The following CCDC73 variants were observed in gnomAD, a reference collection of about 807,000 sequenced individuals.
CCDC73 encodes coiled-coil domain-containing protein 73.
Under a neutral mutation model 116.5 loss-of-function variants are expected in CCDC73, and 95 were observed. The observed-to-expected ratio is 0.82, with a 90% CI of 0.69 to 0.97. The LOEUF is 0.97. Among genes scored for constraint, CCDC73 ranks in the 50% least tolerant of loss-of-function variants. The probability of loss-of-function intolerance (pLI) is 0.00; values close to 1 mark genes in which losing one functional copy is unlikely to be tolerated. For synonymous variants in CCDC73, 398 were observed against 401.3 expected (o/e 0.99, Z 0.10); for missense variants, 1,066 against 1,206.8 (o/e 0.88, Z 1.73).
chr11:32,649,804 A>C (rs1855810583), intron 12 of CCDC73, among the ~76,000 whole-genome samples: 1 of 152,146 alleles, frequency 6.6e-6, no homozygotes, highest in Non-Finnish European at 1.5e-5. Flanking sequence ...TGATGTTAAA[A>C]TGTTCTCTTT....
intron 17 of CCDC73, among the ~76,000 whole-genome samples, chr11:32,608,346 T>C (rs1008499750): frequency 3.3e-5 from 5 of 152,136 alleles, no homozygotes; most frequent in Non-Finnish European, 7.4e-5. Flanking sequence ...GGTACAGGCA[T>C]TGGGTAAACA....
intron 9 of CCDC73, among the ~76,000 whole-genome samples, chr11:32,673,996 G>A (rs1590585927): frequency 6.6e-6 from 1 of 152,252 alleles, no homozygotes; most frequent in East Asian, 1.9e-4. Flanking sequence ...GGAAGGAACA[G>A]GGGGAATAAA....
chr11:32,787,969 C>T (rs953225957), intron 1 of CCDC73, among the ~76,000 whole-genome samples: 2 of 152,064 alleles, frequency 1.3e-5, no homozygotes, highest in African/African-American at 4.8e-5. Context: ...TTTTATGTCC[C>T]ATATAGCACA....
intron 12 of CCDC73, among the ~76,000 whole-genome samples, chr11:32,644,453 T>G (rs1590564835): frequency 1.3e-5 from 2 of 152,310 alleles, no homozygotes; most frequent in Admixed American, 1.3e-4. Flanking sequence ...AACCTGCACA[T>G]GTACCTCTGA....
At chr11:32,746,178 C>T (rs1357867589) in intron 2 of CCDC73, among the ~76,000 whole-genome samples, 3 of 152,172 alleles carry the variant, frequency 2.0e-5, no homozygotes, top group South Asian at 2.1e-4. Flanking sequence ...TTCTCCTTCA[C>T]TTATGAAGCT....
intron 17 of CCDC73, chr11:32,605,113 A>G (rs1184083512): frequency 6.6e-6 from 1 of 150,660 alleles, no homozygotes; most frequent in Non-Finnish European, 1.5e-5. Context: ...CGGCCTCCCA[A>G]AGTGTTGGGA....
intron 2 of CCDC73, 62 bp from the exon 3 acceptor site, chr11:32,718,209 GCT>G (rs1565083958): frequency 1.1e-5 from 12 of 1,126,738 alleles, no homozygotes. Flanking sequence ...TCCAGTTTCA[GCT>G]CTTTCTGGAG....
intron 14 of CCDC73, among the ~76,000 whole-genome samples, chr11:32,621,896 A>G (rs1348481070): frequency 6.6e-6 from 1 of 152,246 alleles, no homozygotes; most frequent in Non-Finnish European, 1.5e-5. Context: ...GGGCCAATGA[A>G]CATATGAAAA....
intron 14 of CCDC73, among the ~76,000 whole-genome samples, chr11:32,630,940 AAC>A (rs1276606986): frequency 2.0e-5 from 3 of 152,200 alleles, no homozygotes; most frequent in African/African-American, 7.2e-5. Flanking sequence ...TATCAGACAA[AAC>A]ACACCTTAAG....
intron 9 of CCDC73, among the ~76,000 whole-genome samples, chr11:32,670,746 A>G (rs931973566): frequency 6.6e-6 from 1 of 152,170 alleles, no homozygotes; most frequent in African/African-American, 2.4e-5. Context: ...TTTTTCAACA[A>G]TTGAAAACAT....
intron 6 of CCDC73, among the ~76,000 whole-genome samples, chr11:32,686,010 G>A (rs184891332): frequency 2.6e-5 from 4 of 151,840 alleles, no homozygotes; most frequent in East Asian, 2.0e-4. Context: ...GTGAGCCACC[G>A]CGCCAGGCCC....
At chr11:32,721,848 C>T (rs1849992950) in intron 2 of CCDC73, among the ~76,000 whole-genome samples, 1 of 152,122 alleles carries the variant, frequency 6.6e-6, no homozygotes, top group Non-Finnish European at 1.5e-5. Context: ...CTGCTCGCCT[C>T]GGCCTCCCAA....
intron 7 of CCDC73, among the ~76,000 whole-genome samples, chr11:32,678,003 G>A (rs947165408): frequency 6.8e-6 from 1 of 146,180 alleles, no homozygotes; most frequent in Admixed American, 6.9e-5. Flanking sequence ...TACAGGCCGA[G>A]CACAGTGGCT....
the CCDC73 span, among the ~76,000 whole-genome samples, chr11:32,811,421 A>G: frequency 2.0e-5 from 3 of 152,226 alleles, no homozygotes; most frequent in South Asian, 6.2e-4. Context: ...GAATTGTTAT[A>G]TACATTGATG....
At chr11:32,748,389 T>C (rs938986556) in intron 2 of CCDC73, among the ~76,000 whole-genome samples, 5 of 152,206 alleles carry the variant, frequency 3.3e-5, no homozygotes, top group African/African-American at 1.2e-4. Context: ...ACTGATTGCA[T>C]AAACAAACAA....
chr11:32,617,070 T>C (rs929899272), intron 14 of CCDC73, among the ~76,000 whole-genome samples: 3 of 152,178 alleles, frequency 2.0e-5, no homozygotes, highest in Non-Finnish European at 2.9e-5. Context: ...AGTATATTTA[T>C]GGAACTATGA....
At chr11:32,790,887 T>C (rs1423957969) in intron 1 of CCDC73, among the ~76,000 whole-genome samples, 2 of 152,124 alleles carry the variant, frequency 1.3e-5, no homozygotes, top group Non-Finnish European at 2.9e-5. Context: ...AAACACTAAT[T>C]TGAGCCACCT....
chr11:32,801,380 C>T, the CCDC73 span, among the ~76,000 whole-genome samples: 50 of 152,290 alleles, frequency 3.3e-4, no homozygotes, highest in African/African-American at 1.2e-3. Context: ...CAGTGGCTCA[C>T]GCCTGTAATC....
At chr11:32,691,829 A>G (rs1332570106) in intron 6 of CCDC73, among the ~76,000 whole-genome samples, 5 of 152,092 alleles carry the variant, frequency 3.3e-5, no homozygotes, top group Admixed American at 3.3e-4. Flanking sequence ...TGGGCGGATC[A>G]CGAGGTTAGG....
Sources: gnomAD v4.1 joint callset for allele counts (sites outside exome capture counted in the v4.1 genomes callset) on GRCh38, gnomAD v4.1.1 for gene constraint, MANE v1.5 for transcripts, NCBI Gene and HGNC (gene_info 2026-07-23, HGNC 2026-07-21) for gene names.